CCSER1: variants seen among roughly 807,000 people sequenced by gnomAD.
The protein encoded by CCSER1 is coiled-coil serine rich protein 1.
A neutral mutation model predicts 82.0 loss-of-function variants in CCSER1; 41 were observed. That is an observed-to-expected ratio of 0.50 (90% CI 0.39 to 0.65). The LOEUF is 0.65. Ranked by LOEUF, CCSER1 falls within the 30% of genes least tolerant of loss-of-function variation. The pLI is 0.00. For missense variants in CCSER1, 1,119 were observed against 1,064.2 expected, an observed-to-expected ratio of 1.05 and a Z score of -0.72; for synonymous variants, 414 against 383.9, an observed-to-expected ratio of 1.08 and a Z score of -0.92.
At chr4:90,639,347 C>G (rs918768930) in intron 6 of CCSER1, among the ~76,000 whole-genome samples, 3 of 151,464 alleles carry the variant, frequency 2.0e-5, no homozygotes, top group African/African-American at 7.3e-5. Context: ...TTAATAAAAG[C>G]CATACTATCT....
chr4:91,003,941 T>C (rs1410629726), intron 9 of CCSER1, among the ~76,000 whole-genome samples: 2 of 152,170 alleles, frequency 1.3e-5, no homozygotes, highest in Non-Finnish European at 2.9e-5. Context: ...TTCTCTAATT[T>C]GTTTCAGCTC....
intron 9 of CCSER1, among the ~76,000 whole-genome samples, chr4:91,069,946 T>G (rs1581471740): frequency 1.3e-5 from 2 of 152,218 alleles, no homozygotes; most frequent in South Asian, 4.1e-4. Flanking sequence ...GTTCTCAATT[T>G]ATAATATAGA....
intron 10 of CCSER1, among the ~76,000 whole-genome samples, chr4:91,345,754 TATA>T (rs1471739648): frequency 1.3e-5 from 2 of 152,186 alleles, no homozygotes; most frequent in Non-Finnish European, 2.9e-5. Flanking sequence ...TTTTGAAATG[TATA>T]ATAATATGGA....
At chr4:90,980,062 A>G (rs1316152751) in intron 9 of CCSER1, among the ~76,000 whole-genome samples, 3 of 151,866 alleles carry the variant, frequency 2.0e-5, no homozygotes, top group African/African-American at 7.2e-5. Context: ...TAAGGAGATA[A>G]ATAATCAGGG....
At chr4:90,143,587 A>G (rs1725233308) in intron 1 of CCSER1, among the ~76,000 whole-genome samples, 1 of 151,800 alleles carries the variant, frequency 6.6e-6, no homozygotes, top group Non-Finnish European at 1.5e-5. Flanking sequence ...TGTTGAATGA[A>G]TGGATTATTG....
At chr4:90,771,640 A>G (rs1027045131) in intron 7 of CCSER1, among the ~76,000 whole-genome samples, 7 of 151,788 alleles carry the variant, frequency 4.6e-5, no homozygotes, top group Non-Finnish European at 7.4e-5. Flanking sequence ...ATTACAAACA[A>G]CTTTAAAATA....
At chr4:90,782,304 C>T (rs1753880507) in intron 7 of CCSER1, among the ~76,000 whole-genome samples, 1 of 152,126 alleles carries the variant, frequency 6.6e-6, no homozygotes, top group Non-Finnish European at 1.5e-5. Context: ...AATTAGAAGA[C>T]AGTAGATCAC....
chr4:91,438,142 A>G (rs1754807867), intron 10 of CCSER1, among the ~76,000 whole-genome samples: 1 of 152,214 alleles, frequency 6.6e-6, no homozygotes, highest in Non-Finnish European at 1.5e-5. Flanking sequence ...TTCTCCCAGC[A>G]CACAGCCGGA....
chr4:90,716,938 G>T (rs1741748079), intron 6 of CCSER1, among the ~76,000 whole-genome samples: 1 of 152,096 alleles, frequency 6.6e-6, no homozygotes, highest in Non-Finnish European at 1.5e-5. Context: ...AGATTCCCTT[G>T]GAACTTAGTG....
intron 3 of CCSER1, among the ~76,000 whole-genome samples, chr4:90,315,252 T>G (rs1735978562): frequency 6.6e-6 from 1 of 152,186 alleles, no homozygotes; most frequent in Non-Finnish European, 1.5e-5. Flanking sequence ...AGTATTATAG[T>G]CTGTCCACTA....
At chr4:91,104,563 G>A (rs953116136) in intron 10 of CCSER1, among the ~76,000 whole-genome samples, 4 of 152,212 alleles carry the variant, frequency 2.6e-5, no homozygotes, top group Non-Finnish European at 5.9e-5. Flanking sequence ...ACAAGTCATA[G>A]TTGTGTTCAA....
chr4:91,495,996 A>G (rs984142709), intron 10 of CCSER1, among the ~76,000 whole-genome samples: 2 of 151,652 alleles, frequency 1.3e-5, no homozygotes, highest in Non-Finnish European at 3.0e-5. Context: ...TAAAACTTTT[A>G]CCATGAAGAA....
At chr4:91,469,255 A>G (rs1393034879) in intron 10 of CCSER1, among the ~76,000 whole-genome samples, 2 of 152,136 alleles carry the variant, frequency 1.3e-5, no homozygotes, top group African/African-American at 4.8e-5. Flanking sequence ...TAGCTGAAAA[A>G]TCCTTCTGGC....
intron 10 of CCSER1, among the ~76,000 whole-genome samples, chr4:91,424,001 CTTTTTTTTTTT>C (rs1167472932): frequency 1.3e-5 from 1 of 77,454 alleles, no homozygotes; most frequent in Non-Finnish European, 2.3e-5. Context: ...CTCAGCAGAT[CTTTTTTTTTTT>C]TTTTTTTTTT....
intron 10 of CCSER1, among the ~76,000 whole-genome samples, chr4:91,185,656 T>G (rs1560502071): frequency 1.3e-5 from 2 of 152,238 alleles, no homozygotes; most frequent in African/African-American, 2.4e-5. Context: ...TTCCCTTCTT[T>G]ATCAAACTTA....
chr4:90,719,559 T>A (rs547450254), intron 6 of CCSER1, among the ~76,000 whole-genome samples: 117 of 152,304 alleles, frequency 7.7e-4, no homozygotes, highest in Non-Finnish European at 1.5e-3. Flanking sequence ...TTGTTCGCCA[T>A]GCTTTCTCAG....
chr4:90,151,830 TAAC>T (rs1726923992), intron 1 of CCSER1, among the ~76,000 whole-genome samples: 1 of 152,154 alleles, frequency 6.6e-6, no homozygotes, highest in African/African-American at 2.4e-5. Flanking sequence ...CAGTGAAAGA[TAAC>T]AAGATGAGTT....
At chr4:90,815,337 G>A (rs1758860367) in intron 7 of CCSER1, among the ~76,000 whole-genome samples, 1 of 152,028 alleles carries the variant, frequency 6.6e-6, no homozygotes, top group African/African-American at 2.4e-5. Flanking sequence ...ATTTGGGTGG[G>A]GACACTGAGC....
At chr4:91,392,013 T>C (rs1219572448) in intron 10 of CCSER1, among the ~76,000 whole-genome samples, 1 of 152,104 alleles carries the variant, frequency 6.6e-6, no homozygotes, top group Non-Finnish European at 1.5e-5. Flanking sequence ...ATATTATTCA[T>C]ATGTGCCCAT....
Sources: gnomAD v4.1 joint callset for allele counts (sites outside exome capture counted in the v4.1 genomes callset) on GRCh38, gnomAD v4.1.1 for gene constraint, MANE v1.5 for transcripts, NCBI Gene and HGNC (gene_info 2026-07-23, HGNC 2026-07-21) for gene names.